TACR3: variants seen among roughly 807,000 people sequenced by gnomAD.
TACR3 encodes tachykinin receptor 3.
A neutral mutation model predicts 35.0 loss-of-function variants in TACR3; 34 were observed. The observed-to-expected ratio is 0.97, with a 90% CI of 0.74 to 1.30. TACR3 has a LOEUF of 1.30. Among genes scored for constraint, TACR3 ranks in the 50% most tolerant of loss-of-function variants. The pLI is 0.00. For missense variants in TACR3, 558 were observed against 591.7 expected (o/e 0.94, Z 0.59); for synonymous variants, 233 against 221.1 (o/e 1.05, Z -0.48).
intron 1 of TACR3, among the ~76,000 whole-genome samples, chr4:103,683,470 C>CAAAA (rs57761679): frequency 4.7e-3 from 100 of 21,094 alleles, no homozygotes; most frequent in Middle Eastern, 0.033. Flanking sequence ...AAAGACTGAC[C>CAAAA]AAAAAAAAAA....
At chr4:103,638,799 C>A (rs558438229) in intron 3 of TACR3, among the ~76,000 whole-genome samples, 2 of 152,186 alleles carry the variant, frequency 1.3e-5, no homozygotes, top group East Asian at 3.9e-4. Context: ...AGACACTTCT[C>A]AAAAGAAGAC....
chr4:103,696,217 C>T (rs1475222806), intron 1 of TACR3, among the ~76,000 whole-genome samples: 1 of 151,880 alleles, frequency 6.6e-6, no homozygotes, highest in East Asian at 1.9e-4. Flanking sequence ...ACTTGGAAAT[C>T]AAAATGATCA....
intron 1 of TACR3, among the ~76,000 whole-genome samples, chr4:103,688,897 G>A (rs1347867013): frequency 1.3e-5 from 2 of 152,076 alleles, no homozygotes; most frequent in Admixed American, 1.3e-4. Context: ...TCCCATTACT[G>A]GGTATATACC....
intron 1 of TACR3, among the ~76,000 whole-genome samples, chr4:103,702,077 G>T (rs2110224233): frequency 6.6e-6 from 1 of 152,276 alleles, no homozygotes; most frequent in Admixed American, 6.5e-5. Flanking sequence ...AAGAGCTTCA[G>T]CACAGCAAAA....
At position 103,653,892 on chromosome 4, in the gene TACR3, G is replaced by A. The variant is rs140954553; in HGVS notation, c.888+2302C>T. Among the ~76,000 whole-genome samples the A allele has an allele frequency of 5.2e-4, 79 of 152,238 alleles. 1 individual carries two copies. The East Asian group carries it at 0.015, about 28-fold the overall frequency. On this transcript the variant is annotated intron_variant, in intron 3 of 4. Coordinates refer to ENST00000304883, the MANE Select transcript of TACR3 (RefSeq NM_001059.3). ...CCTTCAAAAAGTGGGCGAAGGATATGAACAGATACTTCTCAAAAGAAGACA... is the reference window on the plus strand; with the variant it reads ...CCTTCAAAAAGTGGGCGAAGGATATAAACAGATACTTCTCAAAAGAAGACA...
intron 3 of TACR3, among the ~76,000 whole-genome samples, chr4:103,622,234 A>C (rs1245788051): frequency 1.3e-5 from 2 of 152,250 alleles, no homozygotes; most frequent in African/African-American, 4.8e-5. Context: ...GCCACAGCGA[A>C]TTAATCAAAG....
chr4:103,601,772 C>G (rs576202983), intron 3 of TACR3, among the ~76,000 whole-genome samples: 177 of 152,318 alleles, frequency 1.2e-3, no homozygotes, highest in Non-Finnish European at 2.1e-3. Context: ...GTCTGATGGG[C>G]TTCCCTTTGT....
At chr4:103,628,647 G>T (rs1340095756) in intron 3 of TACR3, among the ~76,000 whole-genome samples, 6 of 152,130 alleles carry the variant, frequency 3.9e-5, no homozygotes, top group Non-Finnish European at 8.8e-5. Context: ...TGAAATTGAG[G>T]CAATAATTAA....
At chr4:103,627,793 C>T (rs542038722) in intron 3 of TACR3, among the ~76,000 whole-genome samples, 46 of 152,244 alleles carry the variant, frequency 3.0e-4, no homozygotes, top group African/African-American at 1.1e-3. Context: ...ACCAAGCGGA[C>T]CTAATAGACA....
chr4:103,633,764 T>C (rs1454975339), intron 3 of TACR3, among the ~76,000 whole-genome samples: 1 of 152,162 alleles, frequency 6.6e-6, no homozygotes, highest in Non-Finnish European at 1.5e-5. Flanking sequence ...AGTTGAATCG[T>C]TTAAAAAATA....
intron 1 of TACR3, among the ~76,000 whole-genome samples, chr4:103,694,900 T>G (rs1722488206): frequency 1.3e-5 from 2 of 152,166 alleles, no homozygotes; most frequent in African/African-American, 4.8e-5. Flanking sequence ...CATATTTACA[T>G]ATAATTATTG....
At position 103,590,025 on chromosome 4, in the gene TACR3, G is replaced by A. The variant is rs1187653742; in HGVS notation, c.1086-31C>T. Reference sequence around the variant, plus strand: ...GAAAAGCAGGCCACAGAAAGAAAAAGTTATTTTTTCAAGCAGATATGTCTT... The same window carrying A: ...GAAAAGCAGGCCACAGAAAGAAAAAATTATTTTTTCAAGCAGATATGTCTT... On this transcript the variant is annotated intron_variant, in intron 4 of 4. Transcript: ENST00000304883. 1.9e-6 allele frequency: 3 copies of A among 1,600,862 alleles called. No homozygotes were observed. In the Admixed American group the frequency reaches 5.2e-5, roughly 28 times the overall value.
chr4:103,653,346 C>T (rs1374232460), intron 3 of TACR3, among the ~76,000 whole-genome samples: 9 of 151,918 alleles, frequency 5.9e-5, no homozygotes, highest in African/African-American at 2.2e-4. Flanking sequence ...TTTGTTCCCT[C>T]TGGGACTCTG....
chr4:103,652,627 C>G (rs1578244056), intron 3 of TACR3, among the ~76,000 whole-genome samples: 1 of 152,124 alleles, frequency 6.6e-6, no homozygotes, highest in Non-Finnish European at 1.5e-5. Context: ...GGGTGATGAT[C>G]AGTGGAGGCT....
chr4:103,708,392 A>C (rs1156255250), intron 1 of TACR3, among the ~76,000 whole-genome samples: 1 of 152,180 alleles, frequency 6.6e-6, no homozygotes, highest in Non-Finnish European at 1.5e-5. Context: ...ACCCTGGCAA[A>C]CAGGGTCTGG....
chr4:103,678,063 G>A (rs541653466), intron 1 of TACR3, among the ~76,000 whole-genome samples: 7 of 152,028 alleles, frequency 4.6e-5, no homozygotes, highest in South Asian at 2.1e-4. Flanking sequence ...AAATCTCTCC[G>A]TTTAAAACAG....
intron 1 of TACR3, among the ~76,000 whole-genome samples, chr4:103,717,702 AAAAC>A (rs1278612514): frequency 2.6e-5 from 4 of 152,208 alleles, no homozygotes; most frequent in African/African-American, 4.8e-5. Flanking sequence ...AATAAAAAGA[AAAAC>A]AAACAAAGCA....
At chr4:103,698,220 C>G (rs1051519320) in intron 1 of TACR3, among the ~76,000 whole-genome samples, 2 of 152,000 alleles carry the variant, frequency 1.3e-5, no homozygotes, top group Admixed American at 1.3e-4. Context: ...AAAACTTTTA[C>G]ATATTCATTT....
intron 3 of TACR3, among the ~76,000 whole-genome samples, chr4:103,600,076 A>T (rs926396151): frequency 1.3e-5 from 2 of 152,040 alleles, no homozygotes; most frequent in Non-Finnish European, 2.9e-5. Context: ...CTGTGAATCC[A>T]TCTGGTCCTG....
Sources: allele counts gnomAD v4.1 joint callset (sites outside exome capture counted in the v4.1 genomes callset), GRCh38; gene constraint gnomAD v4.1.1; transcripts MANE v1.5; gene names NCBI Gene and HGNC (gene_info 2026-07-23, HGNC 2026-07-21).